The following RIN3 variants were observed in gnomAD, a reference collection of about 807,000 sequenced individuals.
RIN3 encodes the protein RAB5 interacting protein 3.
Under a neutral mutation model 76.3 loss-of-function variants are expected in RIN3, and 54 were observed. The observed-to-expected ratio is 0.71, with a 90% CI of 0.57 to 0.89. RIN3 has a LOEUF of 0.89. RIN3 is among the 40% of genes least tolerant of loss of function. The probability of loss-of-function intolerance (pLI) is 0.00; values close to 1 mark genes in which losing one functional copy is unlikely to be tolerated. For synonymous variants in RIN3, 576 were observed against 564.0 expected, an observed-to-expected ratio of 1.02 and a Z score of -0.30; for missense variants, 1,256 against 1,322.1, an observed-to-expected ratio of 0.95 and a Z score of 0.78.
intron 3 of RIN3, among the ~76,000 whole-genome samples, chr14:92,590,256 C>G (rs1339366603): frequency 1.3e-5 from 2 of 152,208 alleles, no homozygotes; most frequent in African/African-American, 2.4e-5. Flanking sequence ...GTCTGTTCTT[C>G]TCAATAAGGT....
chr14:92,590,755 G>A (rs555001108), intron 3 of RIN3, among the ~76,000 whole-genome samples: 10 of 152,240 alleles, frequency 6.6e-5, no homozygotes, highest in African/African-American at 2.4e-4. Flanking sequence ...ACTTAAAGGA[G>A]GAAAAAACTG....
chr14:92,640,847 G>C (rs1886982618), intron 4 of RIN3, among the ~76,000 whole-genome samples: 1 of 152,196 alleles, frequency 6.6e-6, no homozygotes, highest in Non-Finnish European at 1.5e-5. Flanking sequence ...TTTGCTGGGA[G>C]ATGCCTGACT....
At chr14:92,576,323 T>TA (rs1331293209) in intron 2 of RIN3, 1 of 1,289,680 alleles carries the variant, frequency 7.8e-7, no homozygotes, top group African/African-American at 1.5e-5. Flanking sequence ...AACCATTGCT[T>TA]AGAGCGTGAG....
At chr14:92,628,541 C>G (rs1886438097) in intron 4 of RIN3, among the ~76,000 whole-genome samples, 1 of 152,188 alleles carries the variant, frequency 6.6e-6, no homozygotes, top group South Asian at 2.1e-4. Flanking sequence ...TATGAGCTTT[C>G]CTTTGGTACC....
rs1207521353 is a variant in RIN3 at position 92,688,233 on chromosome 14, G to A, written c.2939G>A (p.Arg980Gln). Residue 980 changes from arginine to glutamine, a missense_variant, in exon 10 of 10, where the codon CGG becomes CAG. Physicochemically the swap from Arg to Gln is conservative, Grantham distance 43. Transcript: ENST00000216487. ...GGGSPPCLVV[R>Q]EPNFL ...GGGAGCCCGCCCTGCCTGGTGGTGC[G>A]GGAGCCCAACTTCCTGTGAGGCCCT... The A allele has an allele frequency of 1.3e-6, 2 of 1,593,934 alleles. No individual in the cohort carries two copies. Among genetic ancestry groups the A allele is most frequent in the Non-Finnish European group, 1.7e-6 (2 of 1,171,756 alleles).
rs118129238 is a variant in RIN3 at position 92,648,322 on chromosome 14, C to T, written c.533-3260C>T. ...CAGGCCGAGAGCCTATTTGCCTGAA[C>T]CCGTGTCTGCTCTGTTCCTGCCAAA... On this transcript the variant is annotated intron_variant, in intron 5 of 9. Transcript: ENST00000216487. This position sits in a 1 kb window ranked among gnomAD's most constrained non-coding sequence, Gnocchi z 4.1. 9.3e-3 allele frequency among the ~76,000 whole-genome samples: 1,423 copies of T among 152,302 alleles called. 17 individuals are homozygous for T. Among genetic ancestry groups the T allele is most frequent in the Non-Finnish European group, 0.016 (1,077 of 68,030 alleles).
At chr14:92,627,013 C>A (rs1391879651) in intron 4 of RIN3, among the ~76,000 whole-genome samples, 3 of 152,158 alleles carry the variant, frequency 2.0e-5, no homozygotes, top group African/African-American at 7.2e-5. Context: ...TTCCTTGGCC[C>A]AAATGAAACA....
intron 3 of RIN3, among the ~76,000 whole-genome samples, chr14:92,601,162 A>G (rs1427789608): frequency 2.0e-5 from 3 of 152,246 alleles, no homozygotes; most frequent in Non-Finnish European, 2.9e-5. Flanking sequence ...TATTTTGGAT[A>G]TATTGGGTTA....
chr14:92,609,360 T>C (rs1885639596), intron 3 of RIN3, among the ~76,000 whole-genome samples: 1 of 152,174 alleles, frequency 6.6e-6, no homozygotes, highest in Admixed American at 6.5e-5. Flanking sequence ...GAGTCTGTTG[T>C]CACCTGCTGT....
intron 3 of RIN3, among the ~76,000 whole-genome samples, chr14:92,608,334 G>A (rs1487232819): frequency 1.3e-5 from 2 of 152,080 alleles, no homozygotes; most frequent in Admixed American, 6.6e-5. Context: ...GAATCTATAA[G>A]CATTCCAAAA....
chr14:92,666,776 G>A (rs779085985), intron 7 of RIN3, among the ~76,000 whole-genome samples: 10 of 151,972 alleles, frequency 6.6e-5, no homozygotes, highest in Non-Finnish European at 1.3e-4. Context: ...GGAGAAAGAC[G>A]GTAGGGGTGC....
chr14:92,668,472 G>A (rs1373026652), intron 7 of RIN3, among the ~76,000 whole-genome samples: 1 of 152,212 alleles, frequency 6.6e-6, no homozygotes, highest in Non-Finnish European at 1.5e-5. Context: ...CCAGGGAGCT[G>A]GAGTGTTTTC....
chr14:92,672,373 C>G (rs1888313447), intron 7 of RIN3, among the ~76,000 whole-genome samples: 2 of 152,188 alleles, frequency 1.3e-5, no homozygotes. Flanking sequence ...GATCGTGCCA[C>G]TGCACTCCAG....
chr14:92,619,614 A>T (rs1886102233), intron 4 of RIN3, among the ~76,000 whole-genome samples: 1 of 151,966 alleles, frequency 6.6e-6, no homozygotes, highest in African/African-American at 2.4e-5. Context: ...TTTTTAGTAG[A>T]GACGGGGTTT....
chr14:92,684,484 G>T (rs1888777442), intron 8 of RIN3, among the ~76,000 whole-genome samples: 1 of 151,794 alleles, frequency 6.6e-6, no homozygotes, highest in African/African-American at 2.4e-5. Flanking sequence ...TAAAAAACAG[G>T]TTGGTTATAT....
rs1455447440 is a variant in RIN3, at chr14:92,568,858, C to T, written c.250-8502C>T. On this transcript the variant is annotated intron_variant, in intron 2 of 9. Transcript: ENST00000216487. The surrounding 1 kb of genome is among the most constrained non-coding windows in gnomAD (Gnocchi z 4.2). ...AGCTGGGGAGCTGGCAGAGTCCAAC[C>T]TTGGGGACTTTCCAGCCCTGTCGAC... Among the ~76,000 whole-genome samples the T allele has an allele frequency of 1.3e-5, 2 of 152,238 alleles. No homozygotes were observed. The highest frequency in any genetic ancestry group is 4.8e-5 in the African/African-American group (2 of 41,464).
intron 7 of RIN3, among the ~76,000 whole-genome samples, chr14:92,665,173 G>C (rs1888042268): frequency 1.3e-5 from 2 of 152,170 alleles, no homozygotes; most frequent in Admixed American, 1.3e-4. Flanking sequence ...ACCCTGTACA[G>C]CATGTGACTA....
chr14:92,687,161 C>G (rs1008725078), intron 9 of RIN3: 5 of 152,274 alleles, frequency 3.3e-5, no homozygotes, highest in African/African-American at 4.8e-5. Flanking sequence ...CCTGCTCGCC[C>G]ATTTATGGGA....
At chr14:92,556,169 G>A (rs1205592656) in intron 2 of RIN3, among the ~76,000 whole-genome samples, 1 of 152,188 alleles carries the variant, frequency 6.6e-6, no homozygotes, top group Non-Finnish European at 1.5e-5. Context: ...TCTTTGGGGA[G>A]CAGGTGTTTG....
Sources: allele counts gnomAD v4.1 joint callset (sites outside exome capture counted in the v4.1 genomes callset), GRCh38; gene constraint gnomAD v4.1.1; non-coding constraint Gnocchi (gnomAD v3.1); transcripts MANE v1.5; gene names NCBI Gene and HGNC (gene_info 2026-07-23, HGNC 2026-07-21).